The following FOXN4 variants were observed in gnomAD, a reference collection of about 807,000 sequenced individuals.
FOXN4 encodes forkhead box protein N4.
Under a neutral mutation model 45.0 loss-of-function variants are expected in FOXN4, and 12 were observed. The observed-to-expected ratio is 0.27, with a 90% CI of 0.17 to 0.43. The LOEUF (loss-of-function observed/expected upper bound fraction) is 0.43. Ranked by LOEUF, FOXN4 falls within the 20% of genes least tolerant of loss-of-function variation. The pLI is 1.00. For missense variants in FOXN4, 560 were observed against 694.9 expected (o/e 0.81, Z 2.18); for synonymous variants, 297 against 295.0 (o/e 1.01, Z -0.07).
At chr12:109,299,068 A>C (rs929533031) in intron 2 of FOXN4, among the ~76,000 whole-genome samples, 1 of 151,938 alleles carries the variant, frequency 6.6e-6, no homozygotes, top group Non-Finnish European at 1.5e-5. Context: ...CCCCAGGGTG[A>C]CTCCTGACAA....
chr12:109,281,895 G>T, intron 8 of FOXN4, 96 bp from the exon 9 acceptor site: 1 of 1,406,176 alleles, frequency 7.1e-7, no homozygotes, highest in African/African-American at 1.4e-5. Flanking sequence ...CCACCTGTGT[G>T]ACCTTAGCAA....
chr12:109,285,261 G>A (rs1258856434), intron 8 of FOXN4, 43 bp downstream of exon 8: 23 of 1,545,604 alleles, frequency 1.5e-5, no homozygotes, highest in Non-Finnish European at 1.9e-5. Context: ...GTGTGTGTGT[G>A]TGTGTGTGTG....
chr12:109,282,682 G>C (rs1188156259), intron 8 of FOXN4, among the ~76,000 whole-genome samples: 1 of 152,166 alleles, frequency 6.6e-6, no homozygotes, highest in Non-Finnish European at 1.5e-5. Context: ...GTTGCTGTGG[G>C]TTAAAAATCC....
chr12:109,280,418 AT>A (rs2047642161), intron 9 of FOXN4, among the ~76,000 whole-genome samples: 2 of 151,634 alleles, frequency 1.3e-5, no homozygotes, highest in South Asian at 4.2e-4. Context: ...TTCCCACTGA[AT>A]GTCCTTGGGA....
In FOXN4 at chr12:109,279,203, C is replaced by T. The variant is rs529840939; in HGVS notation, c.*468G>A. ...CCCTGGGCCTGTCCCCCGGAGGCTG[C>T]GGCTGAGGTTTGATCCACTCAGCCA... is the stretch of plus-strand genomic sequence containing the variant. On this transcript the variant is annotated 3_prime_UTR_variant, in exon 10 of 10. Coordinates refer to ENST00000299162, the MANE Select transcript of FOXN4 (RefSeq NM_213596.3). The T allele has an allele frequency of 2.6e-5, 5 of 191,976 alleles. No individual in the cohort carries two copies. Among genetic ancestry groups the T allele is most frequent in the South Asian group, 2.4e-4 (2 of 8,502 alleles). 11.9% of individuals were successfully genotyped at this position (191,976 alleles called of 1,614,324 possible).
At position 109,303,751 on chromosome 12, in the gene FOXN4, G is replaced by A. The variant is rs139608513; in HGVS notation, c.86+4485C>T. The stretch of plus-strand genomic sequence containing the variant: ...CCCAATCTGTAAAAGGAGCTTGTTG[G>A]ACCTGACCTCTAGAATAAATTCTAA... On this transcript the variant is annotated intron_variant, in intron 2 of 9. Transcript: ENST00000299162. Among the ~76,000 whole-genome samples, 228 of 152,274 alleles carry A rather than the reference G, an allele frequency of 1.5e-3. 3 individuals carry two copies. The highest frequency in any genetic ancestry group is 4.9e-3 in the African/African-American group (202 of 41,554).
intron 2 of FOXN4, among the ~76,000 whole-genome samples, chr12:109,304,213 A>AAAAGAAAGAG (rs1414784839): frequency 1.4e-5 from 2 of 142,778 alleles, no homozygotes; most frequent in Admixed American, 7.3e-5. Flanking sequence ...GAAAGAAAAG[A>AAAAGAAAGAG]AAAGAAAGAG....
intron 2 of FOXN4, among the ~76,000 whole-genome samples, chr12:109,296,577 T>C (rs2047819070): frequency 2.0e-5 from 3 of 152,072 alleles, no homozygotes; most frequent in African/African-American, 7.2e-5. Context: ...CACCTTCAGG[T>C]CTTCAGGGTC....
At chr12:109,298,170 G>A (rs2047834427) in intron 2 of FOXN4, among the ~76,000 whole-genome samples, 1 of 152,004 alleles carries the variant, frequency 6.6e-6, no homozygotes, top group Non-Finnish European at 1.5e-5. Context: ...GAGGTTGCAG[G>A]GAAGAGCTCT....
rs1423032331 is a variant in FOXN4 at position 109,290,167 on chromosome 12, C to T, written c.206G>A (p.Gly69Asp). Reference protein sequence around the residue: ...QMASGRVDLGGPCVPHPHPGA... With the variant: ...QMASGRVDLGDPCVPHPHPGA... ...TGGGTGTGGATGTGGCACGCAGGGG[C>T]CACCCAGGTCCACGCGGCCACTTGC... Residue 69 changes from glycine to aspartate, a missense_variant, in exon 3 of 10, where the codon GGC becomes GAC. Transcript: ENST00000299162. The surrounding 1 kb of genome is among the most constrained non-coding windows in gnomAD (Gnocchi z 5.1). The T allele has an allele frequency of 6.4e-7, 1 of 1,550,562 alleles. No individual in the cohort carries two copies. The highest frequency in any genetic ancestry group is 2.4e-5 in the East Asian group (1 of 40,876).
At chr12:109,283,210 A>C (rs1327480767) in intron 8 of FOXN4, among the ~76,000 whole-genome samples, 1 of 152,050 alleles carries the variant, frequency 6.6e-6, no homozygotes, top group African/African-American at 2.4e-5. Flanking sequence ...TCCTTTTTCT[A>C]ATTAGGAACA....
In FOXN4 at chr12:109,304,295, G is replaced by GAAAGAAAGAGA. The variant is rs1555244325; in HGVS notation, c.86+3940_86+3941insTCTCTTTCTTT. On this transcript the variant is annotated intron_variant, in intron 2 of 9. Transcript: ENST00000299162. ...AGAAAGAAAGAAAGAAAGAAAGAAA[G>GAAAGAAAGAGA]GAGAAAGAAAGAAGGAAAGAAGGAA... 1.2e-4 allele frequency among the ~76,000 whole-genome samples: 5 copies of GAAAGAAAGAGA among 40,048 alleles called. 1 individual carries two copies. Among genetic ancestry groups the GAAAGAAAGAGA allele is most frequent in the African/African-American group, 1.2e-4 (1 of 8,470 alleles). 26.3% of individuals were successfully genotyped at this position (40,048 alleles called of 152,430 possible). A position where few individuals can be genotyped will look rare whatever the true frequency, so the allele number is the denominator to read the frequency against.
chr12:109,288,167 C>T lies in FOXN4; in HGVS notation c.246G>A (p.Gly82=). 2 of 1,547,514 alleles carry T rather than the reference C, an allele frequency of 1.3e-6. No homozygotes were observed. Among genetic ancestry groups the T allele is most frequent in the Non-Finnish European group, 1.7e-6 (2 of 1,146,262 alleles). ...VPHPHPGALA[G]VADLHVGATP... Reference sequence around the variant, plus strand: ...TGGCTCCCACATGCAGGTCGGCCACCCCAGCCAAGGCACCTGCCGGAGAGA... The same window carrying T: ...TGGCTCCCACATGCAGGTCGGCCACTCCAGCCAAGGCACCTGCCGGAGAGA... Residue 82 remains glycine, a synonymous_variant, in exon 4 of 10, where the codon GGG becomes GGA. Coordinates refer to ENST00000299162, the MANE Select transcript of FOXN4 (RefSeq NM_213596.3). The surrounding 1 kb of genome is among the most constrained non-coding windows in gnomAD (Gnocchi z 4.3).
chr12:109,298,438 T>C (rs977837426), intron 2 of FOXN4, among the ~76,000 whole-genome samples: 2 of 151,584 alleles, frequency 1.3e-5, no homozygotes, highest in Non-Finnish European at 2.9e-5. Context: ...CTCGGCTCAC[T>C]GCAACCTCCG....
intron 2 of FOXN4, among the ~76,000 whole-genome samples, chr12:109,293,114 C>G (rs563989617): frequency 6.6e-6 from 1 of 152,306 alleles, no homozygotes; most frequent in East Asian, 1.9e-4. Context: ...CCCATGCCCA[C>G]CCCTGGAGGC....
chr12:109,286,824 C>G, intron 6 of FOXN4, 80 bp from the exon 7 acceptor site: 1 of 1,497,838 alleles, frequency 6.7e-7, no homozygotes, highest in Non-Finnish European at 8.9e-7. Context: ...GCTGACAGCC[C>G]AATGCCGCCT....
chr12:109,306,859 A>C (rs754133913), intron 2 of FOXN4, among the ~76,000 whole-genome samples: 2 of 152,204 alleles, frequency 1.3e-5, no homozygotes, highest in African/African-American at 2.4e-5. Flanking sequence ...ACTGCCACTA[A>C]ATCACTTGGC....
In FOXN4 at chr12:109,279,775, G is replaced by A; in HGVS notation, c.1450C>T (p.Leu484Phe). The A allele has an allele frequency of 6.2e-7, 1 of 1,602,156 alleles. No individual in the cohort carries two copies. Among genetic ancestry groups the A allele is most frequent in the Non-Finnish European group, 8.5e-7 (1 of 1,174,236 alleles). The change falls in exon 10 of 10, where the codon CTC (leucine) becomes TTC (phenylalanine). Residue 484 changes from leucine to phenylalanine, a missense_variant. Around this residue, in one of 5 missense-constraint regions of FOXN4, gnomAD observed 315 missense variants for 350.5 expected, o/e 0.90. Transcript: ENST00000299162. ...QSFPDLQVTGLYTAYSTPDSV... is the reference protein window; with the variant it reads ...QSFPDLQVTGFYTAYSTPDSV... ...TCCGGAGTGGAGTACGCTGTGTAGA[G>A]ACCCGTCACCTGCAAGTCTGGGAAG...
chr12:109,298,862 C>T (rs950314066), intron 2 of FOXN4, among the ~76,000 whole-genome samples: 6 of 152,290 alleles, frequency 3.9e-5, no homozygotes, highest in Middle Eastern at 3.4e-3. Context: ...CTCCTGGCTG[C>T]GTGACCTGGG....
Sources: gnomAD v4.1 joint callset for allele counts (sites outside exome capture counted in the v4.1 genomes callset) on GRCh38, gnomAD v4.1.1 for gene constraint, gnomAD v4.1.1 regional missense constraint, Gnocchi (gnomAD v3.1) non-coding constraint, MANE v1.5 for transcripts, NCBI Gene and HGNC (gene_info 2026-07-23, HGNC 2026-07-21) for gene names.